The following HDAC9 variants were observed in gnomAD, a reference collection of about 807,000 sequenced individuals.
The protein encoded by HDAC9 is histone deacetylase 9.
In HDAC9, 41 loss-of-function variants were observed where a neutral mutation model predicts 139.4. The observed-to-expected ratio is 0.29, with a 90% confidence interval of 0.23 to 0.38. The LOEUF is 0.38. HDAC9 is among the 10% of genes least tolerant of loss of function. HDAC9 has a pLI of 1.00. For synonymous variants in HDAC9, 517 were observed against 476.2 expected, an observed-to-expected ratio of 1.09 and a Z score of -1.12; for missense variants, 1,147 against 1,297.0, an observed-to-expected ratio of 0.88 and a Z score of 1.78.
At chr7:18,451,639 C>G (rs530718412) in intron 1 of HDAC9, among the ~76,000 whole-genome samples, 43 of 151,850 alleles carry the variant, frequency 2.8e-4, no homozygotes, top group Non-Finnish European at 5.4e-4. Context: ...ATAGAGGTAT[C>G]CACTGATTTA....
At chr7:18,374,199 GTA>G (rs371983993) in intron 1 of HDAC9, among the ~76,000 whole-genome samples, 25,336 of 142,460 alleles carry the variant, frequency 0.18, 2,988 homozygotes, top group African/African-American at 0.35. Context: ...ATGTATGTGT[GTA>G]TATATATATA....
At position 18,351,684 on chromosome 7, in the gene HDAC9, G is replaced by A. The variant is rs1306689672; in HGVS notation, c.-42+61169G>A. On this transcript the variant is annotated intron_variant, in intron 1 of 3. Transcript: ENST00000413509. ...AAAATCTGCCTCATCTGTAAAAAAAGGTGAATGATAGTAAAACTATCTGTT... is the reference window on the plus strand; with the variant it reads ...AAAATCTGCCTCATCTGTAAAAAAAAGTGAATGATAGTAAAACTATCTGTT... 2.0e-5 allele frequency among the ~76,000 whole-genome samples: 3 copies of A among 152,122 alleles called. No individual in the cohort carries two copies. The East Asian group carries it at 5.8e-4, about 29-fold the overall frequency.
intron 1 of HDAC9, among the ~76,000 whole-genome samples, chr7:18,139,944 G>T (rs1033967530): frequency 3.3e-5 from 5 of 152,160 alleles, no homozygotes; most frequent in African/African-American, 1.2e-4. Flanking sequence ...CAGGAAAACT[G>T]ATGTGGGACT....
intron 22 of HDAC9, among the ~76,000 whole-genome samples, chr7:18,928,799 TTA>T (rs1481526306): frequency 2.0e-5 from 3 of 151,564 alleles, no homozygotes; most frequent in African/African-American, 7.2e-5. Context: ...TTATTATTAT[TTA>T]TAATTATTTG....
chr7:18,282,537 G>A (rs1797168211), intron 2 of HDAC9, among the ~76,000 whole-genome samples: 1 of 152,010 alleles, frequency 6.6e-6, no homozygotes, highest in South Asian at 2.1e-4. Context: ...TTTTTTGAAA[G>A]GGAAATGACA....
intron 17 of HDAC9, among the ~76,000 whole-genome samples, chr7:18,821,049 C>G (rs562517880): frequency 1.3e-5 from 2 of 152,320 alleles, no homozygotes; most frequent in African/African-American, 4.8e-5. Context: ...AGGTCTTTCT[C>G]TGCCTCCAAA....
intron 2 of HDAC9, among the ~76,000 whole-genome samples, chr7:18,501,889 G>T (rs1798477219): frequency 6.6e-6 from 1 of 152,282 alleles, no homozygotes; most frequent in East Asian, 1.9e-4. Context: ...TTCTCCTGCA[G>T]ATAAAAGAAC....
chr7:18,746,996 A>T (rs1788030424), intron 13 of HDAC9, among the ~76,000 whole-genome samples: 1 of 152,304 alleles, frequency 6.6e-6, no homozygotes, highest in East Asian at 1.9e-4. Context: ...GTGAAAAAAG[A>T]TTAGCCAAAT....
chr7:18,374,640 T>G (rs1784852490), intron 1 of HDAC9, among the ~76,000 whole-genome samples: 1 of 152,090 alleles, frequency 6.6e-6, no homozygotes, highest in Non-Finnish European at 1.5e-5. Flanking sequence ...AAAAATCTTA[T>G]GGGACCACTG....
chr7:18,977,706 T>C (rs1347447192), intron 25 of HDAC9, among the ~76,000 whole-genome samples: 1 of 152,172 alleles, frequency 6.6e-6, no homozygotes, highest in Non-Finnish European at 1.5e-5. Flanking sequence ...TCAAAGAGTG[T>C]AGCCTGGTTT....
chr7:18,144,985 C>T (rs958951871), intron 1 of HDAC9, among the ~76,000 whole-genome samples: 7 of 152,186 alleles, frequency 4.6e-5, no homozygotes, highest in Non-Finnish European at 4.4e-5. Flanking sequence ...GTCAGCTTGT[C>T]ATCACCGACT....
intron 22 of HDAC9, among the ~76,000 whole-genome samples, chr7:18,912,121 TC>T (rs1340191702): frequency 6.6e-6 from 1 of 151,996 alleles, no homozygotes; most frequent in Non-Finnish European, 1.5e-5. Context: ...GGGATATCTC[TC>T]TCTCTTTACA....
chr7:18,760,103 T>C (rs1789249780), intron 14 of HDAC9, among the ~76,000 whole-genome samples: 1 of 152,128 alleles, frequency 6.6e-6, no homozygotes, highest in African/African-American at 2.4e-5. Context: ...ACGATGTTAG[T>C]GGCTATGGAT....
At chr7:18,415,943 G>GTC (rs1346479665) in intron 1 of HDAC9, among the ~76,000 whole-genome samples, 1 of 151,820 alleles carries the variant, frequency 6.6e-6, no homozygotes, top group Non-Finnish European at 1.5e-5. Flanking sequence ...ACTTCACTTG[G>GTC]TCATGATGTA....
At chr7:18,158,231 A>G (rs1309184472) in intron 1 of HDAC9, among the ~76,000 whole-genome samples, 1 of 152,212 alleles carries the variant, frequency 6.6e-6, no homozygotes, top group Non-Finnish European at 1.5e-5. Context: ...TTAAAAACCA[A>G]AATGATTATT....
rs547791332 is a variant in HDAC9, at chr7:18,563,003, A to G, written c.23-22278A>G. 3.4e-4 allele frequency among the ~76,000 whole-genome samples: 52 copies of G among 152,034 alleles called. 1 individual carries two copies. Among genetic ancestry groups the G allele is most frequent in the Non-Finnish European group, 5.4e-4 (37 of 67,956 alleles). On this transcript the variant is annotated intron_variant, in intron 2 of 25. Coordinates refer to ENST00000686413, the MANE Select transcript of HDAC9 (RefSeq NM_178425.4). ...CCAACAATTTTGTTCTTCTTGATGTAGGTCATGTTTTATTGATTAGTTATT... is the reference window on the plus strand; with the variant it reads ...CCAACAATTTTGTTCTTCTTGATGTGGGTCATGTTTTATTGATTAGTTATT...
At position 18,810,128 on chromosome 7, in the gene HDAC9, G is replaced by A. The variant is rs115262037; in HGVS notation, c.2322+16676G>A. Among the ~76,000 whole-genome samples the A allele has an allele frequency of 6.5e-3, 981 of 151,928 alleles. 8 individuals carry two copies. Among genetic ancestry groups the A allele is most frequent in the African/African-American group, 0.023 (934 of 41,510 alleles). ...GAAATAATCCAGACACTTACATGTGGGTTCTAAAATAGTTGAGCTCATAGA... is the reference window on the plus strand; with the variant it reads ...GAAATAATCCAGACACTTACATGTGAGTTCTAAAATAGTTGAGCTCATAGA... On this transcript the variant is annotated intron_variant, in intron 17 of 25. Coordinates refer to ENST00000686413, the MANE Select transcript of HDAC9 (RefSeq NM_178425.4).
intron 17 of HDAC9, among the ~76,000 whole-genome samples, chr7:18,821,040 G>A (rs1405551770): frequency 6.6e-6 from 1 of 152,192 alleles, no homozygotes; most frequent in Admixed American, 6.5e-5. Context: ...TGTCTTGTGA[G>A]GTCTTTCTCT....
intron 6 of HDAC9, among the ~76,000 whole-genome samples, chr7:18,623,698 C>T (rs1489379447): frequency 1.3e-5 from 2 of 152,204 alleles, no homozygotes; most frequent in Admixed American, 1.3e-4. Flanking sequence ...AATCCCAACA[C>T]TTTGGCAGGC....
Sources: gnomAD v4.1 joint callset for allele counts (sites outside exome capture counted in the v4.1 genomes callset) on GRCh38, gnomAD v4.1.1 for gene constraint, MANE v1.5 for transcripts, NCBI Gene and HGNC (gene_info 2026-07-23, HGNC 2026-07-21) for gene names.